Variants in NRF1 observed in about 807,000 individuals in gnomAD.
The protein encoded by NRF1 is nuclear respiratory factor 1, also known as alpha palindromic-binding protein.
In NRF1, 5 loss-of-function variants were observed where a neutral mutation model predicts 58.5. That is an observed-to-expected ratio of 0.09 (90% CI 0.04 to 0.18). The LOEUF is 0.18. Ranked by LOEUF, NRF1 falls within the 10% of genes least tolerant of loss-of-function variation. NRF1 has a pLI of 1.00. For synonymous variants in NRF1, 224 were observed against 246.7 expected, an observed-to-expected ratio of 0.91 and a Z score of 0.86; for missense variants, 288 against 657.7, an observed-to-expected ratio of 0.44 and a Z score of 6.15.
At chr7:129,702,059 C>T (rs1187085937) in intron 5 of NRF1, among the ~76,000 whole-genome samples, 1 of 152,060 alleles carries the variant, frequency 6.6e-6, no homozygotes, top group African/African-American at 2.4e-5. Flanking sequence ...TAGAATTTGG[C>T]CTAGAAGGAA....
chr7:129,672,729 C>G (rs867717855), intron 3 of NRF1, among the ~76,000 whole-genome samples: 3 of 152,020 alleles, frequency 2.0e-5, no homozygotes, highest in South Asian at 2.1e-4. Context: ...GGAGGAGGAG[C>G]GAGCATGGCA....
At chr7:129,647,641 G>A (rs907452650) in intron 1 of NRF1, among the ~76,000 whole-genome samples, 5 of 152,098 alleles carry the variant, frequency 3.3e-5, no homozygotes, top group African/African-American at 4.8e-5. Flanking sequence ...CGATCCCCCA[G>A]CCTTGGCCTC....
At position 129,755,204 on chromosome 7, in the gene NRF1, G is replaced by C; in HGVS notation, c.*23G>C. 1 of 1,538,030 alleles carries C rather than the reference G, an allele frequency of 6.5e-7. No individual in the cohort carries two copies. Among genetic ancestry groups the C allele is most frequent in the South Asian group, 1.2e-5 (1 of 81,248 alleles). On this transcript the variant is annotated 3_prime_UTR_variant, in exon 11 of 11. Coordinates refer to ENST00000393232, the MANE Select transcript of NRF1 (RefSeq NM_005011.5). The surrounding 1 kb of genome is among the most constrained non-coding windows in gnomAD (Gnocchi z 5.8). ...TGACATACAGCCATATTATGGCATC[G>C]TTTTCTAGTCTACTTCAAAATTTTT...
Position 129,651,157 on chromosome 7 carries a change from C to T in NRF1, c.-6-6189C>T, listed in dbSNP as rs1211665991. Among the ~76,000 whole-genome samples, 4 of 151,950 alleles carry T rather than the reference C, an allele frequency of 2.6e-5. No individual in the cohort carries two copies. The East Asian group carries it at 5.8e-4, about 22-fold the overall frequency. ...GTTAGAGAGGCCGGGTGCGGTGGCT[C>T]AAGCCTGTAATCCCAGCACTTTGAG... On this transcript the variant is annotated intron_variant, in intron 1 of 10. Coordinates refer to ENST00000393232, the MANE Select transcript of NRF1 (RefSeq NM_005011.5).
At chr7:129,702,832 T>G (rs529501607) in intron 5 of NRF1, among the ~76,000 whole-genome samples, 1 of 152,292 alleles carries the variant, frequency 6.6e-6, no homozygotes, top group Admixed American at 6.5e-5. Flanking sequence ...TTGGCAGATA[T>G]GTTGGTCTGA....
At chr7:129,746,031 G>T (rs966349214) in intron 10 of NRF1, among the ~76,000 whole-genome samples, 1 of 152,284 alleles carries the variant, frequency 6.6e-6, no homozygotes, top group South Asian at 2.1e-4. Flanking sequence ...CAAGAGAGAA[G>T]AAAACTCTTT....
At chr7:129,621,494 GTTCT>G (rs1044732355) in intron 1 of NRF1, among the ~76,000 whole-genome samples, 4 of 151,968 alleles carry the variant, frequency 2.6e-5, no homozygotes, top group Non-Finnish European at 4.4e-5. Context: ...ACTTTTTTTG[GTTCT>G]TTCTTTCATT....
At chr7:129,716,586 G>A (rs972210464) in intron 8 of NRF1, among the ~76,000 whole-genome samples, 3 of 151,982 alleles carry the variant, frequency 2.0e-5, no homozygotes, top group Admixed American at 2.0e-4. Context: ...AAAGTGTAGA[G>A]TGGGCCGGGC....
At chr7:129,635,365 AC>A (rs1187332219) in intron 1 of NRF1, among the ~76,000 whole-genome samples, 3 of 152,006 alleles carry the variant, frequency 2.0e-5, no homozygotes, top group African/African-American at 7.3e-5. Context: ...TTCTACTGTT[AC>A]AGTTTTTGTT....
intron 2 of NRF1, among the ~76,000 whole-genome samples, chr7:129,658,656 C>T (rs912262048): frequency 6.6e-6 from 1 of 150,972 alleles, no homozygotes; most frequent in African/African-American, 2.4e-5. Flanking sequence ...TTAACCTCTA[C>T]AGGGATAATA....
chr7:129,719,854 C>G (rs1392777973), intron 9 of NRF1, among the ~76,000 whole-genome samples: 2 of 152,074 alleles, frequency 1.3e-5, no homozygotes, highest in Non-Finnish European at 2.9e-5. Flanking sequence ...TCTAACAGGC[C>G]CTCATTAAAG....
At chr7:129,695,093 C>G (rs973874916) in intron 5 of NRF1, among the ~76,000 whole-genome samples, 4 of 152,148 alleles carry the variant, frequency 2.6e-5, no homozygotes, top group Admixed American at 2.0e-4. Flanking sequence ...AATTAAAAAA[C>G]TGATTGTAAA....
intron 10 of NRF1, among the ~76,000 whole-genome samples, chr7:129,748,002 G>A (rs985942446): frequency 2.0e-5 from 3 of 152,094 alleles, no homozygotes; most frequent in East Asian, 1.9e-4. Flanking sequence ...TCGGCCGGGC[G>A]CGGTGGCTCA....
intron 1 of NRF1, among the ~76,000 whole-genome samples, chr7:129,637,900 A>G (rs187019116): frequency 1.3e-5 from 2 of 149,714 alleles, no homozygotes; most frequent in Non-Finnish European, 1.5e-5. Flanking sequence ...CTCATCAGCT[A>G]TCGTTAGTGT....
chr7:129,638,009 C>G (rs997250889), intron 1 of NRF1, among the ~76,000 whole-genome samples: 2 of 152,004 alleles, frequency 1.3e-5, no homozygotes, highest in African/African-American at 4.8e-5. Flanking sequence ...TGATATTTCT[C>G]TGTACCAAGA....
chr7:129,619,158 G>C (rs1326254140), intron 1 of NRF1, among the ~76,000 whole-genome samples: 1 of 151,746 alleles, frequency 6.6e-6, no homozygotes, highest in Non-Finnish European at 1.5e-5. Context: ...GAAGTAAGTT[G>C]AGAAAGAATG....
chr7:129,690,888 A>G (rs1802550669), intron 5 of NRF1, among the ~76,000 whole-genome samples: 1 of 152,206 alleles, frequency 6.6e-6, no homozygotes. Flanking sequence ...CAGTCAAGGT[A>G]GCCAAGTAAA....
intron 5 of NRF1, among the ~76,000 whole-genome samples, chr7:129,691,183 C>T (rs1222828287): frequency 2.0e-5 from 3 of 151,968 alleles, no homozygotes; most frequent in South Asian, 2.1e-4. Flanking sequence ...GCCACTGTGC[C>T]AGCCTGATTT....
chr7:129,738,365 G>A (rs1248024036), intron 10 of NRF1, among the ~76,000 whole-genome samples: 1 of 152,192 alleles, frequency 6.6e-6, no homozygotes, highest in South Asian at 2.1e-4. Flanking sequence ...CTTTTCCTGG[G>A]AACTGTATGT....
Sources: allele counts gnomAD v4.1 joint callset (sites outside exome capture counted in the v4.1 genomes callset), GRCh38; gene constraint gnomAD v4.1.1; non-coding constraint Gnocchi (gnomAD v3.1); transcripts MANE v1.5; gene names NCBI Gene and HGNC (gene_info 2026-07-23, HGNC 2026-07-21).